The following SEC61A2 variants were observed in gnomAD, a reference collection of about 807,000 sequenced individuals.
SEC61A2 encodes SEC61 translocon subunit alpha 2.
Under a neutral mutation model 59.9 loss-of-function variants are expected in SEC61A2, and 28 were observed. The ratio of observed to expected loss-of-function variants is 0.47; its 90% CI spans 0.35 to 0.64. The LOEUF is 0.64. Ranked by LOEUF, SEC61A2 falls within the 30% of genes least tolerant of loss-of-function variation. The pLI is 0.01. For missense variants in SEC61A2, 340 were observed against 585.9 expected (o/e 0.58, Z 4.33); for synonymous variants, 202 against 214.4 (o/e 0.94, Z 0.50).
At position 12,129,942 on chromosome 10, in the gene SEC61A2, G is replaced by T; in HGVS notation, c.7+148G>T. On this transcript the variant is annotated intron_variant, in intron 1 of 11. Coordinates refer to ENST00000298428, the MANE Select transcript of SEC61A2 (RefSeq NM_018144.4). The surrounding 1 kb of genome is among the most constrained non-coding windows in gnomAD (Gnocchi z 5.6). ...CCTCAGCGGAGGGCACGGGCCGGGG[G>T]CCTCCGCCGAGGCTCCCCTAGCCGT... 1 of 707,352 alleles carries T rather than the reference G, an allele frequency of 1.4e-6. No homozygotes were observed. The highest frequency in any genetic ancestry group is 2.0e-6 in the Non-Finnish European group (1 of 500,568). The allele number at this position is 707,352 out of a possible 1,614,324, so 43.8% of individuals were successfully genotyped here. A position where few individuals can be genotyped will look rare whatever the true frequency, so the allele number is the denominator to read the frequency against.
chr10:12,169,920 C>T (rs1029504464), downstream of SEC61A2: 1 of 513,522 alleles, frequency 1.9e-6, no homozygotes, highest in Non-Finnish European at 3.5e-6. The surrounding 1 kb of genome is among the most constrained non-coding windows in gnomAD (Gnocchi z 4.8). Flanking sequence ...TTATCAATTA[C>T]CTAAAACACT....
chr10:12,150,878 A>C (rs1019286174), intron 6 of SEC61A2, among the ~76,000 whole-genome samples: 5 of 151,558 alleles, frequency 3.3e-5, no homozygotes, highest in Non-Finnish European at 5.9e-5. Flanking sequence ...GTGTTCAAGC[A>C]ATTCTCCTGC....
chr10:12,153,803 C>T lies in SEC61A2; in HGVS notation c.463-1975C>T. The T allele has an allele frequency of 6.2e-7, 1 of 1,601,556 alleles. No homozygotes were observed. Among genetic ancestry groups the T allele is most frequent in the South Asian group, 1.1e-5 (1 of 88,634 alleles). On this transcript the variant is annotated intron_variant, in intron 6 of 11. Transcript: ENST00000298428. This position sits in a 1 kb window ranked among gnomAD's most constrained non-coding sequence, Gnocchi z 5.2. ...TATGATTGGATCAGTGTGTTTCACC[C>T]AGAAACATAGGTTTTGAAAACTGTT...
downstream of SEC61A2, chr10:12,166,769 A>C: frequency 2.0e-6 from 1 of 496,542 alleles, no homozygotes; most frequent in South Asian, 1.5e-5. Flanking sequence ...AAAAGAGCTA[A>C]ACTCACTCAA....
Position 12,161,165 on chromosome 10 carries a change from T to C in SEC61A2, c.1167+44T>C. On this transcript the variant is annotated intron_variant, in intron 10 of 11. Transcript: ENST00000298428. This position sits in a 1 kb window ranked among gnomAD's most constrained non-coding sequence, Gnocchi z 5.4. ...TTAAAATAAAACTCTTGGCAATGCATGGTGGCGCACATCTGTAATCGTAGC... is the reference window on the plus strand; with the variant it reads ...TTAAAATAAAACTCTTGGCAATGCACGGTGGCGCACATCTGTAATCGTAGC... 6.8e-7 allele frequency: 1 copy of C among 1,475,924 alleles called. No individual in the cohort carries two copies. Among genetic ancestry groups the C allele is most frequent in the South Asian group, 1.3e-5 (1 of 79,334 alleles). The allele number at this position is 1,475,924 out of a possible 1,614,324, so 91.4% of individuals were successfully genotyped here. A position where few individuals can be genotyped will look rare whatever the true frequency, so the allele number is the denominator to read the frequency against.
Position 12,164,603 on chromosome 10 carries a change from TAA to T in SEC61A2, c.*150_*151del, listed in dbSNP as rs1834620574. On this transcript the variant is annotated 3_prime_UTR_variant, in exon 12 of 12. Coordinates refer to ENST00000298428, the MANE Select transcript of SEC61A2 (RefSeq NM_018144.4). The surrounding 1 kb of genome is among the most constrained non-coding windows in gnomAD (Gnocchi z 7.3). ...CCCGTTTCTGAAATGGGCACCGAGCTAAGTCTGTGTGCAGCATTAGTACCCGC... is the reference window on the plus strand; with the variant it reads ...CCCGTTTCTGAAATGGGCACCGAGCTGTCTGTGTGCAGCATTAGTACCCGC... 2.1e-6 allele frequency: 3 copies of T among 1,443,290 alleles called. No homozygotes were observed. The allele number at this position is 1,443,290 out of a possible 1,614,324, so 89.4% of individuals were successfully genotyped here.
Position 12,136,837 on chromosome 10 carries a change from C to T in SEC61A2, c.141+667C>T, listed in dbSNP as rs147977914. Among the ~76,000 whole-genome samples the T allele has an allele frequency of 9.4e-3, 1,434 of 152,034 alleles. 21 individuals are homozygous for T. Among genetic ancestry groups the T allele is most frequent in the African/African-American group, 0.033 (1,351 of 41,444 alleles). ...TAGAGATGGGGTTTCACTATATTGA[C>T]CAGGCTAGTCTCGAACTCCTGACCT... On this transcript the variant is annotated intron_variant, in intron 3 of 11. Coordinates refer to ENST00000298428, the MANE Select transcript of SEC61A2 (RefSeq NM_018144.4).
chr10:12,159,545 C>T (rs1834482654), intron 9 of SEC61A2, among the ~76,000 whole-genome samples: 1 of 152,018 alleles, frequency 6.6e-6, no homozygotes, highest in East Asian at 1.9e-4. Context: ...TAAAAACTAG[C>T]CGGGCACAGT....
At chr10:12,144,823 G>A (rs1470831155) in intron 4 of SEC61A2, among the ~76,000 whole-genome samples, 1 of 152,148 alleles carries the variant, frequency 6.6e-6, no homozygotes, top group African/African-American at 2.4e-5. Context: ...GGCTGAAGCG[G>A]GAAGATCACT....
In SEC61A2 at chr10:12,149,993, A is replaced by G. The variant is rs1297948689; in HGVS notation, c.462+32A>G. The G allele has an allele frequency of 1.4e-6, 2 of 1,430,066 alleles. No homozygotes were observed. The highest frequency in any genetic ancestry group is 1.7e-5 in the Admixed American group (1 of 58,064). The allele number at this position is 1,430,066 out of a possible 1,614,324, so 88.6% of individuals were successfully genotyped here. A position where few individuals can be genotyped will look rare whatever the true frequency, so the allele number is the denominator to read the frequency against. Reference sequence around the variant, plus strand: ...AATCCTATATTTTCCTATGCAGATAACAAAACAGTTTGATTCCTTTTTCCT... The same window carrying G: ...AATCCTATATTTTCCTATGCAGATAGCAAAACAGTTTGATTCCTTTTTCCT... On this transcript the variant is annotated intron_variant, in intron 6 of 11. Transcript: ENST00000298428. The surrounding 1 kb of genome is among the most constrained non-coding windows in gnomAD (Gnocchi z 5.2).
At position 12,158,136 on chromosome 10, in the gene SEC61A2, A is replaced by G. The variant is rs776278392; in HGVS notation, c.975+31A>G. On this transcript the variant is annotated intron_variant, in intron 9 of 11. Coordinates refer to ENST00000298428, the MANE Select transcript of SEC61A2 (RefSeq NM_018144.4). This position sits in a 1 kb window ranked among gnomAD's most constrained non-coding sequence, Gnocchi z 5.7. ...TATTATGTTTATTTACATTATTTAT[A>G]GTTTATTATAATTTGCATTTCATGG... The G allele has an allele frequency of 9.3e-6, 14 of 1,504,636 alleles. No homozygotes were observed. The highest frequency in any genetic ancestry group is 1.3e-5 in the Non-Finnish European group (14 of 1,093,378). 93.2% of individuals were successfully genotyped at this position (1,504,636 alleles called of 1,614,324 possible). A position where few individuals can be genotyped will look rare whatever the true frequency, so the allele number is the denominator to read the frequency against.
chr10:12,132,296 G>A lies in SEC61A2; in HGVS notation c.8-945G>A, dbSNP rs1340222018. On this transcript the variant is annotated intron_variant, in intron 1 of 11. Coordinates refer to ENST00000298428, the MANE Select transcript of SEC61A2 (RefSeq NM_018144.4). ...AGCCTGGACCACAGAGGGAGAATCCGTCTCAAAAAACAAAAACAAACCAGT... is the reference window on the plus strand; with the variant it reads ...AGCCTGGACCACAGAGGGAGAATCCATCTCAAAAAACAAAAACAAACCAGT... Among the ~76,000 whole-genome samples the A allele has an allele frequency of 3.3e-5, 5 of 150,666 alleles. No individual in the cohort carries two copies. In the South Asian group the frequency reaches 6.3e-4, roughly 19 times the overall value.
chr10:12,139,833 G>T (rs1402530569), intron 3 of SEC61A2, among the ~76,000 whole-genome samples: 1 of 151,708 alleles, frequency 6.6e-6, no homozygotes, highest in Admixed American at 6.6e-5. Flanking sequence ...GCTGGGCGTG[G>T]TGGCAAATAC....
Position 12,155,442 on chromosome 10 carries a change from T to C in SEC61A2, c.463-336T>C. 1 of 1,173,930 alleles carries C rather than the reference T, an allele frequency of 8.5e-7. No homozygotes were observed. 72.7% of individuals were successfully genotyped at this position (1,173,930 alleles called of 1,614,324 possible). On this transcript the variant is annotated intron_variant, in intron 6 of 11. Transcript: ENST00000298428. The surrounding 1 kb of genome is among the most constrained non-coding windows in gnomAD (Gnocchi z 4.3). ...GTTTTCAGTTTCTTGCTGTCATAAA[T>C]TCTAGAATACTGTGATCATTTTTTG... is the stretch of plus-strand genomic sequence containing the variant.
At chr10:12,140,029 G>C (rs866700154) in intron 3 of SEC61A2, among the ~76,000 whole-genome samples, 1 of 151,974 alleles carries the variant, frequency 6.6e-6, no homozygotes. Context: ...TAGAGGGGCC[G>C]AGAGCTGCTC....
rs1028934833 is a variant in SEC61A2, at chr10:12,161,371, C to T, written c.1167+250C>T. On this transcript the variant is annotated intron_variant, in intron 10 of 11. Coordinates refer to ENST00000298428, the MANE Select transcript of SEC61A2 (RefSeq NM_018144.4). This position sits in a 1 kb window ranked among gnomAD's most constrained non-coding sequence, Gnocchi z 5.4. ...GAGACGGAGCAGTAACGCTTGAGTCCGGGAGGTGGAGGTTGCAGTGAGCCA... is the reference window on the plus strand; with the variant it reads ...GAGACGGAGCAGTAACGCTTGAGTCTGGGAGGTGGAGGTTGCAGTGAGCCA... Among the ~76,000 whole-genome samples, 9 of 152,132 alleles carry T rather than the reference C, an allele frequency of 5.9e-5. No individual in the cohort carries two copies. Among genetic ancestry groups the T allele is most frequent in the East Asian group, 3.9e-4 (2 of 5,182 alleles).
rs779273300 is a variant in SEC61A2, at chr10:12,164,711, A to G, written c.*257A>G. On this transcript the variant is annotated 3_prime_UTR_variant, in exon 12 of 12. Coordinates refer to ENST00000298428, the MANE Select transcript of SEC61A2 (RefSeq NM_018144.4). This position sits in a 1 kb window ranked among gnomAD's most constrained non-coding sequence, Gnocchi z 7.3. ...TGTAATGCTGGAAACCAGTGTATCT[A>G]CCTTGCTGTGTTAAATCATGACAGT... 135 of 1,246,834 alleles carry G rather than the reference A, an allele frequency of 1.1e-4. No individual in the cohort carries two copies. The highest frequency in any genetic ancestry group is 1.3e-4 in the Non-Finnish European group (130 of 994,656). The allele number at this position is 1,246,834 out of a possible 1,614,324, so 77.2% of individuals were successfully genotyped here. A position where few individuals can be genotyped will look rare whatever the true frequency, so the allele number is the denominator to read the frequency against.
chr10:12,169,682 G>A (rs1056674214), downstream of SEC61A2: 1 of 234,404 alleles, frequency 4.3e-6, no homozygotes, highest in African/African-American at 2.3e-5. The surrounding 1 kb of genome is among the most constrained non-coding windows in gnomAD (Gnocchi z 4.8). Flanking sequence ...CTCTCTAAGG[G>A]ATACGAAATC....
In SEC61A2 at chr10:12,162,234, C is replaced by A; in HGVS notation, c.1189C>A (p.Gln397Lys). 1.2e-6 allele frequency: 2 copies of A among 1,613,540 alleles called. No homozygotes were observed. The highest frequency in any genetic ancestry group is 1.7e-6 in the Non-Finnish European group (2 of 1,179,768). The part of the protein sequence containing the change: ...AKDVAKQLKE[Q>K]QMVMRGHRDT... ...GCAGGTAGCTAAACAGCTGAAAGAACAGCAGATGGTAATGAGGGGCCACCG... is the reference window on the plus strand; with the variant it reads ...GCAGGTAGCTAAACAGCTGAAAGAAAAGCAGATGGTAATGAGGGGCCACCG... The change falls in exon 11 of 12, where the codon CAG (glutamine) becomes AAG (lysine). Residue 397 changes from glutamine (Q) to lysine (K), a missense_variant. Gln to Lys is a moderately conservative substitution (Grantham distance 53, BLOSUM62 1). This residue lies in a region of SEC61A2 where 283 missense variants were observed against 483.2 expected (regional missense o/e 0.59). Coordinates refer to ENST00000298428, the MANE Select transcript of SEC61A2 (RefSeq NM_018144.4). The surrounding 1 kb of genome is among the most constrained non-coding windows in gnomAD (Gnocchi z 6.1).
Sources: allele counts gnomAD v4.1 joint callset (sites outside exome capture counted in the v4.1 genomes callset), GRCh38; gene constraint gnomAD v4.1.1; regional missense constraint gnomAD v4.1.1; non-coding constraint Gnocchi (gnomAD v3.1); transcripts MANE v1.5; gene names NCBI Gene and HGNC (gene_info 2026-07-23, HGNC 2026-07-21).